Variants in SPTLC1 observed in about 807,000 individuals in gnomAD.
SPTLC1 encodes serine palmitoyltransferase long chain base subunit 1.
A neutral mutation model predicts 68.9 loss-of-function variants in SPTLC1; 55 were observed. That is an observed-to-expected ratio of 0.80 (90% CI 0.64 to 1.00). The LOEUF (loss-of-function observed/expected upper bound fraction) is 1.00. Among genes scored for constraint, SPTLC1 ranks in the 50% least tolerant of loss-of-function variants. The pLI is 0.00. For synonymous variants in SPTLC1, 197 were observed against 201.6 expected, an observed-to-expected ratio of 0.98 and a Z score of 0.19; for missense variants, 449 against 573.1, an observed-to-expected ratio of 0.78 and a Z score of 2.21.
chr9:92,076,348 AT>A (rs1288220663), intron 5 of SPTLC1, among the ~76,000 whole-genome samples: 1 of 152,174 alleles, frequency 6.6e-6, no homozygotes, highest in Non-Finnish European at 1.5e-5. Context: ...GGAAACACCT[AT>A]GCCAATAAAA....
At position 92,055,478 on chromosome 9, in the gene SPTLC1, C is replaced by A. The variant is rs765970732; in HGVS notation, c.707G>T (p.Arg236Leu). The change falls in exon 8 of 15, where the codon CGT becomes CTT. Residue 236 changes from arginine (R) to leucine (L), a missense_variant. Physicochemically the swap from Arg to Leu is moderately radical, Grantham distance 102. Transcript: ENST00000262554. ...TACTACAATGAAACGCCGAGTTACA[C>A]GAGCCTTGCGAGGATTCTTTAAAAG... The part of the protein sequence containing the change: ...IEDQKNPRKA[R>L]VTRRFIVVEG... 11 of 1,613,586 alleles carry A rather than the reference C, an allele frequency of 6.8e-6. No individual in the cohort carries two copies. Among genetic ancestry groups the A allele is most frequent in the Non-Finnish European group, 9.3e-6 (11 of 1,179,970 alleles).
At chr9:92,039,893 G>C (rs1833279130) in intron 12 of SPTLC1, among the ~76,000 whole-genome samples, 2 of 152,132 alleles carry the variant, frequency 1.3e-5, no homozygotes, top group African/African-American at 4.8e-5. Flanking sequence ...GCAGGCTACA[G>C]GTCTGAATCA....
intron 9 of SPTLC1, among the ~76,000 whole-genome samples, chr9:92,048,899 G>GT (rs1833609046): frequency 6.6e-6 from 1 of 152,292 alleles, no homozygotes; most frequent in Admixed American, 6.5e-5. Flanking sequence ...GCGCTTGTGA[G>GT]TATTTCCTCA....
In SPTLC1 at chr9:92,036,524, G is replaced by A. The variant is rs147396464; in HGVS notation, c.1255-1641C>T. ...CAACATGAAGCATGTGTGGACAACT[G>A]TCCTGATGCAGTTCGAGAAGAGACT... On this transcript the variant is annotated intron_variant, in intron 13 of 14. Transcript: ENST00000262554. 1.3e-3 allele frequency among the ~76,000 whole-genome samples: 200 copies of A among 152,330 alleles called. 2 individuals carry two copies. The highest frequency in any genetic ancestry group is 2.0e-3 in the Admixed American group (31 of 15,308).
chr9:92,115,051 G>A (rs1024499531), intron 1 of SPTLC1: 4 of 562,772 alleles, frequency 7.1e-6, no homozygotes, highest in Non-Finnish European at 1.3e-5. Context: ...CCCCTTACAC[G>A]TGTTCCTTTC....
chr9:92,115,037 G>A (rs1587629951), intron 1 of SPTLC1: 3 of 544,128 alleles, frequency 5.5e-6, no homozygotes, highest in East Asian at 3.2e-5. Context: ...CCTGTCTCCT[G>A]CGTCCCCTTA....
chr9:92,037,321 T>C (rs886617235), intron 13 of SPTLC1, among the ~76,000 whole-genome samples: 2 of 152,224 alleles, frequency 1.3e-5, no homozygotes, highest in Non-Finnish European at 2.9e-5. Context: ...TGCTCATAGC[T>C]ACAGCCTCTG....
At chr9:92,093,635 T>C (rs900869506) in intron 3 of SPTLC1, among the ~76,000 whole-genome samples, 2 of 152,128 alleles carry the variant, frequency 1.3e-5, no homozygotes, top group African/African-American at 4.8e-5. Context: ...AAGACAGTAA[T>C]AAATGATAAG....
chr9:92,077,950 C>T (rs1002346974), intron 5 of SPTLC1, among the ~76,000 whole-genome samples: 7 of 152,136 alleles, frequency 4.6e-5, no homozygotes, highest in Non-Finnish European at 8.8e-5. Context: ...AAACCATCAA[C>T]CTCACCCACT....
At chr9:92,091,374 C>T (rs1280427998) in intron 3 of SPTLC1, among the ~76,000 whole-genome samples, 1 of 152,142 alleles carries the variant, frequency 6.6e-6, no homozygotes, top group African/African-American at 2.4e-5. Flanking sequence ...AAAAGTTATG[C>T]ATCCAAGTAT....
intron 6 of SPTLC1, among the ~76,000 whole-genome samples, chr9:92,065,062 T>G (rs1340001822): frequency 3.3e-5 from 5 of 152,230 alleles, no homozygotes; most frequent in Admixed American, 2.6e-4. Context: ...ACTGTTCGTT[T>G]TGCAAGAGGT....
chr9:92,079,969 T>G (rs1033441877), intron 5 of SPTLC1, 47 bp downstream of exon 5: 1 of 1,509,622 alleles, frequency 6.6e-7, no homozygotes, highest in African/African-American at 1.4e-5. Context: ...AATTGAATCT[T>G]AACTATTGAA....
intron 5 of SPTLC1, among the ~76,000 whole-genome samples, chr9:92,069,241 C>T (rs1271662116): frequency 1.3e-5 from 2 of 152,204 alleles, no homozygotes; most frequent in Non-Finnish European, 2.9e-5. Context: ...TATTTACAGA[C>T]TTCCTAAAGA....
At chr9:92,069,388 T>C (rs1046052091) in intron 5 of SPTLC1, among the ~76,000 whole-genome samples, 18 of 152,214 alleles carry the variant, frequency 1.2e-4, no homozygotes, top group Non-Finnish European at 1.5e-5. Context: ...GTTATAGTTA[T>C]TTTATAAAAA....
intron 3 of SPTLC1, chr9:92,105,156 G>C (rs1457748353): frequency 3.9e-6 from 6 of 1,533,856 alleles, no homozygotes; most frequent in Non-Finnish European, 5.2e-6. Flanking sequence ...AGAGCTGCCG[G>C]CCACAGGTCC....
Position 92,046,008 on chromosome 9 carries a change from G to C in SPTLC1, c.1127C>G (p.Ala376Gly). The C allele has an allele frequency of 6.2e-7, 1 of 1,613,134 alleles. No homozygotes were observed. The highest frequency in any genetic ancestry group is 2.2e-5 in the East Asian group (1 of 44,828). Residue 376 changes from alanine (A) to glycine (G), a missense_variant, in exon 12 of 15, where the codon GCT becomes GGT. Around this residue, in one of 3 missense-constraint regions of SPTLC1, gnomAD observed 391 missense variants for 472.1 expected, o/e 0.83. Transcript: ENST00000262554. ...AATATATAAAACTCACCCTTGTAAA[G>C]CTTTATGAATTTGTCCGCACTTTTC... Reference protein sequence around the residue: ...LKEKCGQIHKALQGISGLKVV... With the variant: ...LKEKCGQIHKGLQGISGLKVV...
chr9:92,113,036 G>A (rs1468556587), intron 1 of SPTLC1, among the ~76,000 whole-genome samples: 1 of 151,426 alleles, frequency 6.6e-6, no homozygotes, highest in Non-Finnish European at 1.5e-5. Context: ...GAACCCAGGA[G>A]GTGGAGGTTG....
intron 3 of SPTLC1, among the ~76,000 whole-genome samples, chr9:92,103,192 G>A (rs2118794984): frequency 6.6e-6 from 1 of 152,260 alleles, no homozygotes; most frequent in African/African-American, 2.4e-5. Context: ...TTACATACGT[G>A]GATCCTTCCC....
At chr9:92,096,244 CCTGT>C (rs1360915139) in intron 3 of SPTLC1, among the ~76,000 whole-genome samples, 1 of 152,054 alleles carries the variant, frequency 6.6e-6, no homozygotes, top group Non-Finnish European at 1.5e-5. Flanking sequence ...CGAACAGGTC[CCTGT>C]CTGATTATCC....
Sources: allele counts gnomAD v4.1 joint callset (sites outside exome capture counted in the v4.1 genomes callset), GRCh38; gene constraint gnomAD v4.1.1; regional missense constraint gnomAD v4.1.1; transcripts MANE v1.5; gene names NCBI Gene and HGNC (gene_info 2026-07-23, HGNC 2026-07-21).